CLYBL: variants seen among roughly 807,000 people sequenced by gnomAD.
CLYBL encodes citramalyl-CoA lyase, mitochondrial.
Under a neutral mutation model 38.9 loss-of-function variants are expected in CLYBL, and 31 were observed. The ratio of observed to expected loss-of-function variants is 0.80; its 90% CI spans 0.60 to 1.08. CLYBL has a LOEUF of 1.08. CLYBL is among the 50% of genes least tolerant of loss of function. The pLI is 0.00. For missense variants in CLYBL, 434 were observed against 411.6 expected, an observed-to-expected ratio of 1.05 and a Z score of -0.47; for synonymous variants, 171 against 158.6, an observed-to-expected ratio of 1.08 and a Z score of -0.59.
At chr13:99,721,942 G>A (rs1189909217) in intron 1 of CLYBL, among the ~76,000 whole-genome samples, 2 of 152,064 alleles carry the variant, frequency 1.3e-5, no homozygotes, top group African/African-American at 4.8e-5. Flanking sequence ...TGCAAACCAA[G>A]GCTCAGTTAT....
chr13:99,817,894 C>T (rs2050493023), intron 2 of CLYBL, among the ~76,000 whole-genome samples: 2 of 151,856 alleles, frequency 1.3e-5, no homozygotes, highest in African/African-American at 4.8e-5. Flanking sequence ...GTCTTAGCTA[C>T]ATGGGAGTCT....
intron 9 of CLYBL, among the ~76,000 whole-genome samples, chr13:99,907,575 T>A (rs2052709471): frequency 6.6e-6 from 1 of 152,194 alleles, no homozygotes; most frequent in South Asian, 2.1e-4. Flanking sequence ...CAATTTTTTT[T>A]AATTGGGCAT....
chr13:99,809,571 C>A (rs2050299215), intron 2 of CLYBL, among the ~76,000 whole-genome samples: 1 of 152,240 alleles, frequency 6.6e-6, no homozygotes, highest in African/African-American at 2.4e-5. Context: ...TCTTTTGGCA[C>A]CTTTCCCCTC....
chr13:99,818,343 C>T (rs941637192), intron 2 of CLYBL, among the ~76,000 whole-genome samples: 1 of 152,012 alleles, frequency 6.6e-6, no homozygotes, highest in Non-Finnish European at 1.5e-5. Flanking sequence ...GTTCTTTCTC[C>T]GTCCTCGGGT....
intron 1 of CLYBL, among the ~76,000 whole-genome samples, chr13:99,618,669 C>T (rs1289277030): frequency 6.6e-6 from 1 of 152,124 alleles, no homozygotes; most frequent in African/African-American, 2.4e-5. Context: ...TTTTTATCTT[C>T]CCACACTGAA....
At chr13:99,855,143 C>T (rs1027021611) in intron 2 of CLYBL, among the ~76,000 whole-genome samples, 1 of 83,964 alleles carries the variant, frequency 1.2e-5, no homozygotes, top group Non-Finnish European at 2.1e-5. Flanking sequence ...ATTATTCAGT[C>T]ATTTCCAGCT....
In CLYBL at chr13:99,848,942, C is replaced by T. The variant is rs60031086; in HGVS notation, c.250-9919C>T. 9.8e-3 allele frequency among the ~76,000 whole-genome samples: 1,488 copies of T among 152,262 alleles called. 25 individuals are homozygous for T. The highest frequency in any genetic ancestry group is 0.033 in the African/African-American group (1,377 of 41,544). On this transcript the variant is annotated intron_variant, in intron 2 of 8. Coordinates refer to ENST00000339105, the MANE Select transcript of CLYBL (RefSeq NM_206808.5). ...TCACCTGAGGCTTGGAGTTTGAGAC[C>T]AGCCTGGCCAACGTGGTGAAACCCC...
In CLYBL at chr13:99,611,489, G is replaced by A. The variant is rs1012958986; in HGVS notation, c.62+4732G>A. ...AAGTTAAGCTGACCATTGCATTCCT[G>A]GAATAAACCCCACTGATTGTGATGT... On this transcript the variant is annotated intron_variant, in intron 1 of 8. Coordinates refer to ENST00000339105, the MANE Select transcript of CLYBL (RefSeq NM_206808.5). Among the ~76,000 whole-genome samples the A allele has an allele frequency of 1.1e-4, 16 of 152,114 alleles. 1 individual carries two copies. Among genetic ancestry groups the A allele is most frequent in the Admixed American group, 8.5e-4 (13 of 15,264 alleles).
At chr13:99,839,512 CTGA>C (rs2051017376) in intron 2 of CLYBL, among the ~76,000 whole-genome samples, 2 of 152,248 alleles carry the variant, frequency 1.3e-5, no homozygotes, top group African/African-American at 4.8e-5. Context: ...ACCTAACCTG[CTGA>C]TGATGTTTAC....
intron 1 of CLYBL, among the ~76,000 whole-genome samples, chr13:99,702,761 G>T (rs1432815967): frequency 6.6e-6 from 1 of 152,128 alleles, no homozygotes; most frequent in Non-Finnish European, 1.5e-5. Flanking sequence ...AAAAGATTAA[G>T]ATGCTCCTTG....
intron 1 of CLYBL, among the ~76,000 whole-genome samples, chr13:99,655,722 G>A (rs1248915567): frequency 2.0e-5 from 3 of 152,204 alleles, no homozygotes; most frequent in Admixed American, 6.5e-5. Flanking sequence ...CTGATGACGT[G>A]GCCCTGTCTG....
intron 1 of CLYBL, among the ~76,000 whole-genome samples, chr13:99,640,486 T>C (rs1566596269): frequency 6.6e-6 from 1 of 152,240 alleles, no homozygotes; most frequent in Non-Finnish European, 1.5e-5. Context: ...ATAGTTAAAG[T>C]GTGAGAATGT....
chr13:99,650,244 C>A (rs2047232991), intron 1 of CLYBL, among the ~76,000 whole-genome samples: 1 of 151,166 alleles, frequency 6.6e-6, no homozygotes, highest in Admixed American at 6.6e-5. Flanking sequence ...GCCTGGGCGA[C>A]AGAGCCAGAC....
At chr13:99,790,690 A>G (rs1049683071) in intron 2 of CLYBL, among the ~76,000 whole-genome samples, 8 of 152,142 alleles carry the variant, frequency 5.3e-5, no homozygotes, top group South Asian at 2.1e-4. Context: ...CCAGTATTCT[A>G]TCGGTTCATT....
intron 4 of CLYBL, among the ~76,000 whole-genome samples, chr13:99,863,698 C>T (rs549534302): frequency 1.3e-5 from 2 of 152,296 alleles, no homozygotes; most frequent in Admixed American, 1.3e-4. Flanking sequence ...AAATTCAGAG[C>T]TAGCTCGTTT....
intron 2 of CLYBL, among the ~76,000 whole-genome samples, chr13:99,780,363 T>G (rs568356932): frequency 6.6e-6 from 1 of 152,286 alleles, no homozygotes; most frequent in African/African-American, 2.4e-5. Flanking sequence ...TTTAAAAAAT[T>G]TCTATATCCA....
At chr13:99,728,179 G>T (rs548071813) in intron 1 of CLYBL, among the ~76,000 whole-genome samples, 26 of 152,154 alleles carry the variant, frequency 1.7e-4, no homozygotes, top group African/African-American at 2.6e-4. Flanking sequence ...GTGTTTTGGT[G>T]GGGGGGATTA....
intron 2 of CLYBL, among the ~76,000 whole-genome samples, chr13:99,826,850 T>G (rs2050704770): frequency 1.3e-5 from 2 of 152,198 alleles, no homozygotes; most frequent in African/African-American, 4.8e-5. Context: ...GCGAGGAATC[T>G]CCATACACCA....
At chr13:99,637,095 G>GTGA (rs2047028626) in intron 1 of CLYBL, among the ~76,000 whole-genome samples, 1 of 152,178 alleles carries the variant, frequency 6.6e-6, no homozygotes, top group Non-Finnish European at 1.5e-5. Flanking sequence ...GGCCAGGCTG[G>GTGA]TCTTGAACCC....
Sources: allele counts gnomAD v4.1 joint callset (sites outside exome capture counted in the v4.1 genomes callset), GRCh38; gene constraint gnomAD v4.1.1; transcripts MANE v1.5; gene names NCBI Gene and HGNC (gene_info 2026-07-23, HGNC 2026-07-21).